Variants in SYN3 observed in about 807,000 individuals in gnomAD.
SYN3 encodes synapsin III, also known as synapsin-3.
A neutral mutation model predicts 65.8 loss-of-function variants in SYN3; 35 were observed. The ratio of observed to expected loss-of-function variants is 0.53; its 90% CI spans 0.41 to 0.70. The LOEUF (loss-of-function observed/expected upper bound fraction) is 0.70. Ranked by LOEUF, SYN3 falls within the 30% of genes least tolerant of loss-of-function variation. The pLI, the probability that SYN3 is intolerant of heterozygous loss-of-function variation, is 0.00. For synonymous variants in SYN3, 270 were observed against 292.9 expected (o/e 0.92, Z 0.80); for missense variants, 680 against 749.0 (o/e 0.91, Z 1.08).
At chr22:32,733,325 T>G (rs1316197929) in intron 6 of SYN3, among the ~76,000 whole-genome samples, 2 of 152,212 alleles carry the variant, frequency 1.3e-5, no homozygotes, top group Admixed American at 1.3e-4. Context: ...TGATGATGCA[T>G]AGATATTTCT....
chr22:33,039,407 ACT>A (rs2053921437), intron 1 of SYN3, among the ~76,000 whole-genome samples: 1 of 134,398 alleles, frequency 7.4e-6, no homozygotes, highest in African/African-American at 2.8e-5. Flanking sequence ...ACAGAGTCTC[ACT>A]CTGTTACCCA....
chr22:32,640,938 G>A (rs1391729024), intron 6 of SYN3, among the ~76,000 whole-genome samples: 1 of 152,166 alleles, frequency 6.6e-6, no homozygotes, highest in African/African-American at 2.4e-5. Context: ...AGAGTCACAG[G>A]GGTATTATAA....
At chr22:32,619,143 C>T (rs1025550896) in intron 6 of SYN3, among the ~76,000 whole-genome samples, 5 of 152,142 alleles carry the variant, frequency 3.3e-5, no homozygotes, top group African/African-American at 9.7e-5. Context: ...CACCCCAGAC[C>T]GGCTGCTCAG....
At chr22:32,969,276 G>A (rs1218420365) in intron 3 of SYN3, among the ~76,000 whole-genome samples, 2 of 152,116 alleles carry the variant, frequency 1.3e-5, no homozygotes, top group African/African-American at 4.8e-5. Flanking sequence ...AAAAGAAGAG[G>A]AGAGTCTAAA....
chr22:32,541,422 C>T, intron 8 of SYN3, 149 bp downstream of exon 8: 2 of 997,008 alleles, frequency 2.0e-6, no homozygotes, highest in South Asian at 1.6e-5. Context: ...GACATCAGCC[C>T]CTCAGCCACA....
At chr22:32,597,000 A>G (rs1248376370) in intron 6 of SYN3, among the ~76,000 whole-genome samples, 1 of 152,112 alleles carries the variant, frequency 6.6e-6, no homozygotes, top group Non-Finnish European at 1.5e-5. Context: ...GGACAAACCA[A>G]CTGGTTTCCA....
At chr22:32,842,703 G>A (rs1461535453) in intron 6 of SYN3, among the ~76,000 whole-genome samples, 1 of 152,108 alleles carries the variant, frequency 6.6e-6, no homozygotes, top group Non-Finnish European at 1.5e-5. Flanking sequence ...GAACCCTTAG[G>A]GAGCCTGTGG....
Position 32,876,883 on chromosome 22 carries a change from G to A in SYN3, c.462-7758C>T, listed in dbSNP as rs1004308734. Among the ~76,000 whole-genome samples, 3 of 152,250 alleles carry A rather than the reference G, an allele frequency of 2.0e-5. No homozygotes were observed. The South Asian group carries it at 6.2e-4, about 32-fold the overall frequency. Reference sequence around the variant, plus strand: ...TGAAAATTTCCATTTTCATTATATCGCAGTTTGTGCATTTACTAAAACTTT... The same window carrying A: ...TGAAAATTTCCATTTTCATTATATCACAGTTTGTGCATTTACTAAAACTTT... On this transcript the variant is annotated intron_variant, in intron 4 of 13. Transcript: ENST00000358763.
intron 7 of SYN3, among the ~76,000 whole-genome samples, chr22:32,558,408 C>T (rs539045540): frequency 5.3e-5 from 8 of 152,272 alleles, no homozygotes; most frequent in African/African-American, 1.4e-4. Flanking sequence ...CTCAGAGATG[C>T]GAAGAACTTG....
intron 6 of SYN3, among the ~76,000 whole-genome samples, chr22:32,712,665 C>T (rs1199276729): frequency 6.6e-6 from 1 of 152,170 alleles, no homozygotes; most frequent in Non-Finnish European, 1.5e-5. Flanking sequence ...AATTGAAATA[C>T]CAGGGCTGGC....
intron 4 of SYN3, among the ~76,000 whole-genome samples, chr22:32,929,208 G>T (rs1385963153): frequency 6.6e-6 from 1 of 152,108 alleles, no homozygotes; most frequent in African/African-American, 2.4e-5. Context: ...CTTGAACCTG[G>T]GAGGCGGAGG....
In SYN3 at chr22:32,543,373, G is replaced by A. The variant is rs2058288735; in HGVS notation, c.775-1660C>T. Among the ~76,000 whole-genome samples the A allele has an allele frequency of 2.0e-5, 3 of 152,172 alleles. No individual in the cohort carries two copies. The South Asian group carries it at 6.2e-4, about 32-fold the overall frequency. ...GACTCCGAAGGCACAGCTTTTCCTT[G>A]AACCATCTCAGGGGTCTGTAAGTAG... On this transcript the variant is annotated intron_variant, in intron 7 of 13. Coordinates refer to ENST00000358763, the MANE Select transcript of SYN3 (RefSeq NM_003490.4).
intron 6 of SYN3, among the ~76,000 whole-genome samples, chr22:32,603,819 G>A (rs577068465): frequency 6.6e-6 from 1 of 152,308 alleles, no homozygotes; most frequent in African/African-American, 2.4e-5. Flanking sequence ...GCCTCTCACA[G>A]GCTCCCTGTC....
chr22:32,547,135 G>A lies in SYN3; in HGVS notation c.775-5422C>T, dbSNP rs549576069. ...TGGGACTACCGGCGCATGACATCAC[G>A]CCTGGCTGTTTTTTCTTTGTCGTAT... On this transcript the variant is annotated intron_variant, in intron 7 of 13. Transcript: ENST00000358763. Among the ~76,000 whole-genome samples the A allele has an allele frequency of 7.2e-5, 11 of 152,026 alleles. No homozygotes were observed. In the East Asian group the frequency reaches 1.4e-3, roughly 19 times the overall value.
At position 32,513,842 on chromosome 22, in the gene SYN3, G is replaced by T; in HGVS notation, c.1611-18C>A. The stretch of plus-strand genomic sequence containing the variant: ...GAGATTTGCTGAAACAGAAAGGCAA[G>T]GGGGTTGAGGAAGACAAGGCGAAGA... On this transcript the variant is annotated intron_variant, in intron 13 of 13. Coordinates refer to ENST00000358763, the MANE Select transcript of SYN3 (RefSeq NM_003490.4). The T allele has an allele frequency of 6.2e-7, 1 of 1,614,012 alleles. No homozygotes were observed. The highest frequency in any genetic ancestry group is 8.5e-7 in the Non-Finnish European group (1 of 1,179,950).
At position 32,677,297 on chromosome 22, in the gene SYN3, GC is replaced by G. The variant is rs1297415327; in HGVS notation, c.712-80562del. On this transcript the variant is annotated intron_variant, in intron 6 of 13. Transcript: ENST00000358763. ...CCTCTATCCAGCTTTCGAGGAGTGTGCCAGGGGAAGAAGACCCTTCCAAATG... is the reference window on the plus strand; with the variant it reads ...CCTCTATCCAGCTTTCGAGGAGTGTGCAGGGGAAGAAGACCCTTCCAAATG... Among the ~76,000 whole-genome samples the G allele has an allele frequency of 3.7e-5, 5 of 136,650 alleles. No homozygotes were observed. In the East Asian group the frequency reaches 1.7e-3, roughly 46 times the overall value. 89.6% of individuals were successfully genotyped at this position (136,650 alleles called of 152,430 possible).
At position 32,561,013 on chromosome 22, in the gene SYN3, G is replaced by A. The variant is rs962754250; in HGVS notation, c.775-19300C>T. Among the ~76,000 whole-genome samples, 3 of 152,270 alleles carry A rather than the reference G, an allele frequency of 2.0e-5. No homozygotes were observed. In the South Asian group the frequency reaches 6.2e-4, roughly 32 times the overall value. On this transcript the variant is annotated intron_variant, in intron 7 of 13. Transcript: ENST00000358763. ...GCTTTGGCTGGAGCATTTTGAAGGC[G>A]GATCCCGGCTTTCCCCTCCTCAGCC...
chr22:32,725,072 G>A (rs1246185198), intron 6 of SYN3, among the ~76,000 whole-genome samples: 8 of 152,136 alleles, frequency 5.3e-5, no homozygotes, highest in South Asian at 2.1e-4. Flanking sequence ...AGCCGAGATC[G>A]CGCCATTGCA....
chr22:32,794,373 A>G (rs1009573667), intron 6 of SYN3, among the ~76,000 whole-genome samples: 1 of 151,982 alleles, frequency 6.6e-6, no homozygotes, highest in Admixed American at 6.6e-5. Flanking sequence ...GCCCAGTGGG[A>G]TTTTGGTTGG....
Sources: allele counts gnomAD v4.1 joint callset (sites outside exome capture counted in the v4.1 genomes callset), GRCh38; gene constraint gnomAD v4.1.1; transcripts MANE v1.5; gene names NCBI Gene and HGNC (gene_info 2026-07-23, HGNC 2026-07-21).